GREM2: variants seen among roughly 807,000 people sequenced by gnomAD.
GREM2 encodes gremlin-2.
Under a neutral mutation model 14.2 loss-of-function variants are expected in GREM2, and 11 were observed. That is an observed-to-expected ratio of 0.78 (90% CI 0.49 to 1.28). The LOEUF (loss-of-function observed/expected upper bound fraction) is 1.28. Among genes scored for constraint, GREM2 ranks in the 50% most tolerant of loss-of-function variants. The probability of loss-of-function intolerance (pLI) is 0.00; values close to 1 mark genes in which losing one functional copy is unlikely to be tolerated. For synonymous variants in GREM2, 98 were observed against 97.6 expected, an observed-to-expected ratio of 1.00 and a Z score of -0.02; for missense variants, 210 against 218.5, an observed-to-expected ratio of 0.96 and a Z score of 0.24.
At chr1:240,557,204 G>A (rs1433259560) in intron 1 of GREM2, among the ~76,000 whole-genome samples, 1 of 150,826 alleles carries the variant, frequency 6.6e-6, no homozygotes, top group Admixed American at 6.6e-5. Flanking sequence ...TAAAAATTAA[G>A]ATAAAATAAA....
intron 1 of GREM2, among the ~76,000 whole-genome samples, chr1:240,608,615 T>C (rs1680076785): frequency 1.3e-5 from 2 of 152,230 alleles, no homozygotes; most frequent in African/African-American, 2.4e-5. Context: ...TAGCATTTCA[T>C]AGGAGCTGGT....
rs1217040796 is a variant in GREM2, at chr1:240,532,638, T to TAG, written c.-1-39163_-1-39162insCT. Among the ~76,000 whole-genome samples the TAG allele has an allele frequency of 4.5e-3, 282 of 62,774 alleles. 1 individual carries two copies. Among genetic ancestry groups the TAG allele is most frequent in the East Asian group, 0.019 (59 of 3,144 alleles). The allele number at this position is 62,774 out of a possible 152,430, so 41.2% of individuals were successfully genotyped here. ...GAATAACCACTTTATATAAGAGATA[T>TAG]ATATAGATAGATAGATAGATAGATA... On this transcript the variant is annotated intron_variant, in intron 1 of 1. Coordinates refer to ENST00000318160, the MANE Select transcript of GREM2 (RefSeq NM_022469.4).
chr1:240,494,100 CAAT>C (rs1241181246), intron 1 of GREM2, among the ~76,000 whole-genome samples: 1 of 152,174 alleles, frequency 6.6e-6, no homozygotes, highest in Non-Finnish European at 1.5e-5. Context: ...GCAGAAGTAC[CAAT>C]AATAGTTAAT....
At chr1:240,519,475 A>G (rs1345082166) in intron 1 of GREM2, among the ~76,000 whole-genome samples, 1 of 152,178 alleles carries the variant, frequency 6.6e-6, no homozygotes, top group Non-Finnish European at 1.5e-5. Context: ...TCCCACCGAT[A>G]AACCAATCAG....
intron 1 of GREM2, among the ~76,000 whole-genome samples, chr1:240,519,623 C>T (rs903829370): frequency 2.0e-5 from 3 of 152,114 alleles, no homozygotes; most frequent in African/African-American, 4.8e-5. Flanking sequence ...TTCCTCCATC[C>T]TTTTATTTCT....
intron 1 of GREM2, among the ~76,000 whole-genome samples, chr1:240,514,681 A>G (rs1240078329): frequency 6.6e-6 from 1 of 152,196 alleles, no homozygotes; most frequent in Non-Finnish European, 1.5e-5. Context: ...GGAGGATTGC[A>G]TGAGGCCAGC....
intron 1 of GREM2, among the ~76,000 whole-genome samples, chr1:240,555,446 G>A (rs1175143546): frequency 2.6e-5 from 4 of 152,196 alleles, no homozygotes; most frequent in Non-Finnish European, 5.9e-5. Flanking sequence ...ATGTGGAAAT[G>A]AATGAGTAGA....
chr1:240,544,790 G>A (rs985175668), intron 1 of GREM2, among the ~76,000 whole-genome samples: 4 of 152,222 alleles, frequency 2.6e-5, no homozygotes, highest in African/African-American at 9.6e-5. Context: ...CAAAGCCAAT[G>A]TTGTTTTATG....
chr1:240,503,799 G>T (rs1440785293), intron 1 of GREM2, among the ~76,000 whole-genome samples: 1 of 152,102 alleles, frequency 6.6e-6, no homozygotes, highest in Non-Finnish European at 1.5e-5. Context: ...TTTCGCCATG[G>T]TCATGACAGA....
At chr1:240,607,109 A>G (rs190422878) in intron 1 of GREM2, among the ~76,000 whole-genome samples, 4 of 152,220 alleles carry the variant, frequency 2.6e-5, no homozygotes, top group Admixed American at 1.3e-4. Flanking sequence ...TGATACCTAT[A>G]AAATGTTTAG....
rs906162043 is a variant in GREM2, at chr1:240,545,329, C to T, written c.-1-51853G>A. Among the ~76,000 whole-genome samples the T allele has an allele frequency of 3.3e-5, 5 of 152,228 alleles. No homozygotes were observed. In the East Asian group the frequency reaches 9.6e-4, roughly 29 times the overall value. On this transcript the variant is annotated intron_variant, in intron 1 of 1. Transcript: ENST00000318160. ...ATGTGGAGTTTCCTGGAGATTGGTG[C>T]CCAGGGAGGGCATGGAAGCTCCACG...
At chr1:240,597,279 C>A (rs900197912) in intron 1 of GREM2, among the ~76,000 whole-genome samples, 1 of 152,230 alleles carries the variant, frequency 6.6e-6, no homozygotes, top group African/African-American at 2.4e-5. Context: ...TACAAGCAAG[C>A]AAATCAGCGG....
chr1:240,606,963 C>T (rs2102875094), intron 1 of GREM2, among the ~76,000 whole-genome samples: 1 of 152,282 alleles, frequency 6.6e-6, no homozygotes, highest in Non-Finnish European at 1.5e-5. Context: ...CAGGCGTGAG[C>T]CACTGAGCCC....
intron 1 of GREM2, among the ~76,000 whole-genome samples, chr1:240,589,660 A>G (rs2102862842): frequency 6.6e-6 from 1 of 152,190 alleles, no homozygotes; most frequent in Middle Eastern, 3.4e-3. Flanking sequence ...TCCCGTAGGA[A>G]CAATGATCCT....
intron 1 of GREM2, among the ~76,000 whole-genome samples, chr1:240,509,604 G>C (rs920924868): frequency 6.6e-5 from 10 of 151,934 alleles, no homozygotes; most frequent in African/African-American, 2.4e-4. Context: ...TCAACCTCAG[G>C]TGATCCGCCC....
Position 240,491,299 on chromosome 1 carries a change from G to C in GREM2, c.*1670C>G, listed in dbSNP as rs1185678353. The C allele has an allele frequency of 6.6e-6, 1 of 152,564 alleles. No homozygotes were observed. The highest frequency in any genetic ancestry group is 1.5e-5 in the Non-Finnish European group (1 of 68,034). 9.5% of individuals were successfully genotyped at this position (152,564 alleles called of 1,614,324 possible). ...CAGAGGGTCTCTCTCACATACTAGG[G>C]AAGTGGCCCCTCACAGGAGCACTTA... is the stretch of plus-strand genomic sequence containing the variant. On this transcript the variant is annotated 3_prime_UTR_variant, in exon 2 of 2. Coordinates refer to ENST00000318160, the MANE Select transcript of GREM2 (RefSeq NM_022469.4).
intron 1 of GREM2, among the ~76,000 whole-genome samples, chr1:240,562,076 A>G (rs1356478814): frequency 1.3e-5 from 2 of 152,234 alleles, no homozygotes; most frequent in African/African-American, 4.8e-5. Flanking sequence ...TGAATATTAA[A>G]TAAAATACCA....
chr1:240,600,671 A>G (rs1005747099), intron 1 of GREM2, among the ~76,000 whole-genome samples: 5 of 151,834 alleles, frequency 3.3e-5, no homozygotes, highest in Non-Finnish European at 7.4e-5. Context: ...TTTAATAGAG[A>G]CGGGGCTTCA....
chr1:240,585,150 T>C (rs566251707), intron 1 of GREM2, among the ~76,000 whole-genome samples: 1 of 152,226 alleles, frequency 6.6e-6, no homozygotes, highest in South Asian at 2.1e-4. Context: ...GTAGTGAGAA[T>C]CAATTTAGGC....
Sources: gnomAD v4.1 joint callset for allele counts (sites outside exome capture counted in the v4.1 genomes callset) on GRCh38, gnomAD v4.1.1 for gene constraint, MANE v1.5 for transcripts, NCBI Gene and HGNC (gene_info 2026-07-23, HGNC 2026-07-21) for gene names.